TENM4: variants seen among roughly 807,000 people sequenced by gnomAD.
TENM4 encodes teneurin-4.
In TENM4, 82 loss-of-function variants were observed where a neutral mutation model predicts 243.3. The observed-to-expected ratio is 0.34, with a 90% CI of 0.28 to 0.40. TENM4 has a LOEUF of 0.40. Among genes scored for constraint, TENM4 ranks in the 10% least tolerant of loss-of-function variants. The probability of loss-of-function intolerance (pLI) is 1.00; values close to 1 mark genes in which losing one functional copy is unlikely to be tolerated. For missense variants in TENM4, 3,138 were observed against 3,673.3 expected (o/e 0.85, Z 3.77); for synonymous variants, 1,412 against 1,456.3 (o/e 0.97, Z 0.69).
At chr11:79,123,145 A>C (rs1220055943) in intron 4 of TENM4, among the ~76,000 whole-genome samples, 2 of 152,158 alleles carry the variant, frequency 1.3e-5, no homozygotes, top group Non-Finnish European at 2.9e-5. Flanking sequence ...GGAGGTAAAC[A>C]CTGGAATAAG....
chr11:79,365,379 A>G (rs1157160183), intron 1 of TENM4, among the ~76,000 whole-genome samples: 6 of 152,166 alleles, frequency 3.9e-5, no homozygotes, highest in African/African-American at 7.2e-5. Flanking sequence ...CCCAGTAGCA[A>G]CTGTATTATG....
intron 32 of TENM4, among the ~76,000 whole-genome samples, chr11:78,668,534 T>C (rs1026327728): frequency 5.3e-5 from 8 of 152,292 alleles, no homozygotes; most frequent in Non-Finnish European, 7.3e-5. Flanking sequence ...TTGATTTGTG[T>C]GTCAGAAACT....
chr11:78,675,350 G>A (rs1184832887), intron 30 of TENM4, among the ~76,000 whole-genome samples: 1 of 152,226 alleles, frequency 6.6e-6, no homozygotes, highest in Non-Finnish European at 1.5e-5. Flanking sequence ...TTAGGAACAT[G>A]TAGCTCAGTT....
chr11:79,429,549 A>G (rs1314052161), intron 1 of TENM4, among the ~76,000 whole-genome samples: 1 of 150,576 alleles, frequency 6.6e-6, no homozygotes, highest in African/African-American at 2.4e-5. Context: ...TCTATTTTCT[A>G]TTTTCTAACT....
intron 3 of TENM4, among the ~76,000 whole-genome samples, chr11:79,185,360 C>T (rs549110799): frequency 1.1e-4 from 16 of 152,236 alleles, no homozygotes; most frequent in African/African-American, 3.4e-4. Context: ...ACAGCAACAA[C>T]AAAAACCCAC....
At chr11:78,736,479 T>TGC (rs1555073147) in intron 20 of TENM4, among the ~76,000 whole-genome samples, 2,045 of 99,334 alleles carry the variant, frequency 0.021, 53 homozygotes, top group African/African-American at 0.056. Flanking sequence ...TGTGTGTGTG[T>TGC]GCGCGCGCGT....
chr11:78,692,901 A>T (rs1159268462), intron 28 of TENM4, among the ~76,000 whole-genome samples: 1 of 152,108 alleles, frequency 6.6e-6, no homozygotes, highest in Non-Finnish European at 1.5e-5. Context: ...GTCTTCCCTG[A>T]CCACCGCTTC....
At chr11:78,853,090 G>T (rs964273042) in intron 12 of TENM4, among the ~76,000 whole-genome samples, 3 of 151,882 alleles carry the variant, frequency 2.0e-5, no homozygotes, top group Non-Finnish European at 2.9e-5. Context: ...ATTTTTCCAT[G>T]TCAGAGAGAT....
At chr11:79,170,663 C>A (rs1367004404) in intron 3 of TENM4, among the ~76,000 whole-genome samples, 2 of 152,132 alleles carry the variant, frequency 1.3e-5, no homozygotes, top group Non-Finnish European at 2.9e-5. Context: ...TGCCAGCAAA[C>A]CCCCAGAAGC....
intron 3 of TENM4, among the ~76,000 whole-genome samples, chr11:79,208,711 A>ATGGACTGTGAAATGCCTAGC (rs1863896903): frequency 1.3e-5 from 2 of 152,200 alleles, no homozygotes; most frequent in African/African-American, 4.8e-5. Context: ...AGAGTGTTAA[A>ATGGACTGTGAAATGCCTAGC]TGGACTGTGA....
At chr11:78,970,649 C>G (rs1388946509) in intron 6 of TENM4, among the ~76,000 whole-genome samples, 1 of 152,176 alleles carries the variant, frequency 6.6e-6, no homozygotes, top group African/African-American at 2.4e-5. Flanking sequence ...AGATCCTTTC[C>G]TCTCTGTTGG....
chr11:78,740,427 C>A (rs889885397), intron 19 of TENM4, among the ~76,000 whole-genome samples: 1 of 150,970 alleles, frequency 6.6e-6, no homozygotes, highest in East Asian at 2.0e-4. Context: ...GGTTTCCTTC[C>A]GAGGCCCTTG....
At chr11:79,125,435 C>T (rs1392742066) in intron 4 of TENM4, among the ~76,000 whole-genome samples, 2 of 151,994 alleles carry the variant, frequency 1.3e-5, no homozygotes, top group East Asian at 1.9e-4. Flanking sequence ...TGTGGAAAAA[C>T]AGACACAAGC....
At chr11:79,146,698 T>C (rs938587320) in intron 4 of TENM4, among the ~76,000 whole-genome samples, 6 of 152,066 alleles carry the variant, frequency 3.9e-5, no homozygotes, top group Middle Eastern at 3.2e-3. Context: ...TCCCATATCC[T>C]AAGCACTTTC....
chr11:79,041,955 TGA>T (rs1859545387), intron 6 of TENM4, among the ~76,000 whole-genome samples: 1 of 152,196 alleles, frequency 6.6e-6, no homozygotes, highest in Non-Finnish European at 1.5e-5. Context: ...CAGGGAGCAG[TGA>T]CTTCCCTTAG....
intron 1 of TENM4, among the ~76,000 whole-genome samples, chr11:79,303,904 T>C (rs979074151): frequency 6.6e-6 from 1 of 152,100 alleles, no homozygotes; most frequent in African/African-American, 2.4e-5. Flanking sequence ...CTCACTGAAG[T>C]TCAAAAGAGT....
intron 2 of TENM4, among the ~76,000 whole-genome samples, chr11:79,216,584 G>A (rs1230528697): frequency 6.6e-6 from 1 of 152,226 alleles, no homozygotes; most frequent in Non-Finnish European, 1.5e-5. Flanking sequence ...GCTCTGCCTT[G>A]ATGAATGGAT....
chr11:78,731,485 C>G (rs1855667233), intron 21 of TENM4, among the ~76,000 whole-genome samples: 1 of 152,226 alleles, frequency 6.6e-6, no homozygotes, highest in Admixed American at 6.5e-5. Flanking sequence ...CCCTGCTCCA[C>G]CAGCGCCCGC....
chr11:79,394,603 A>T (rs1858303225), intron 1 of TENM4, among the ~76,000 whole-genome samples: 1 of 151,852 alleles, frequency 6.6e-6, no homozygotes, highest in Non-Finnish European at 1.5e-5. Context: ...AACTACTGAG[A>T]GTTGAATCAT....
Sources: gnomAD v4.1 joint callset for allele counts (sites outside exome capture counted in the v4.1 genomes callset) on GRCh38, gnomAD v4.1.1 for gene constraint, MANE v1.5 for transcripts, NCBI Gene and HGNC (gene_info 2026-07-23, HGNC 2026-07-21) for gene names.